The following TRMT6 variants were observed in gnomAD, a reference collection of about 807,000 sequenced individuals.
The protein encoded by TRMT6 is tRNA methyltransferase 6 non-catalytic subunit.
Under a neutral mutation model 59.0 loss-of-function variants are expected in TRMT6, and 34 were observed. The ratio of observed to expected loss-of-function variants is 0.58; its 90% CI spans 0.44 to 0.77. The LOEUF (loss-of-function observed/expected upper bound fraction) is 0.77. TRMT6 is among the 30% of genes least tolerant of loss of function. The probability of loss-of-function intolerance (pLI) is 0.00; values close to 1 mark genes in which losing one functional copy is unlikely to be tolerated. For synonymous variants in TRMT6, 217 were observed against 210.5 expected, an observed-to-expected ratio of 1.03 and a Z score of -0.27; for missense variants, 575 against 604.5, an observed-to-expected ratio of 0.95 and a Z score of 0.51.
rs138599064 is a variant in TRMT6 at position 5,942,697 on chromosome 20, C to G, written c.757G>C (p.Gly253Arg). 1 of 1,613,938 alleles carries G rather than the reference C, an allele frequency of 6.2e-7. No homozygotes were observed. Among genetic ancestry groups the G allele is most frequent in the South Asian group, 1.1e-5 (1 of 91,072 alleles). Residue 253 changes from glycine (G) to arginine (R), a missense_variant, in exon 7 of 11, where the codon GGT becomes CGT. Gly to Arg is a moderately radical substitution (Grantham distance 125). Transcript: ENST00000203001. ...CFGFPKSFLS[G>R]LYEFPLNKVD... ...TTGTTGAGAGGGAATTCATAAAGAC[C>G]ACTGAGAAAAGATTTGGGAAATCCA...
intron 6 of TRMT6, among the ~76,000 whole-genome samples, 158 bp downstream of exon 6, chr20:5,943,401 G>A (rs939078241): frequency 6.6e-6 from 1 of 152,224 alleles, no homozygotes; most frequent in Non-Finnish European, 1.5e-5. Context: ...TGGAGACTGT[G>A]TAAGAAGGTC....
At chr20:5,941,560 C>A in intron 8 of TRMT6, 1 of 569,602 alleles carries the variant, frequency 1.8e-6, no homozygotes, top group Non-Finnish European at 3.1e-6. Context: ...TGGTACTTGG[C>A]AACTCTAAGT....
intron 9 of TRMT6, 47 bp from the exon 10 acceptor site, chr20:5,941,186 A>G: frequency 1.2e-6 from 2 of 1,607,400 alleles, no homozygotes; most frequent in East Asian, 2.2e-5. Context: ...CCTGGGATGC[A>G]GTTTAAGAAT....
intron 10 of TRMT6, among the ~76,000 whole-genome samples, chr20:5,940,480 T>C (rs1288047775): frequency 6.6e-6 from 1 of 152,190 alleles, no homozygotes; most frequent in Non-Finnish European, 1.5e-5. Flanking sequence ...TTTAAATGCC[T>C]TTAGGGCAGA....
At chr20:5,942,865 A>G (rs2088670947) in intron 6 of TRMT6, 79 bp from the exon 7 acceptor site, 15 of 1,054,046 alleles carry the variant, frequency 1.4e-5, no homozygotes, top group Non-Finnish European at 2.1e-5. Flanking sequence ...CCTCCACAGT[A>G]ATGAGACTGA....
chr20:5,944,818 C>T lies in TRMT6; in HGVS notation c.353G>A (p.Gly118Asp), dbSNP rs1208740906. The part of the protein sequence containing the change: ...QDDIKALKDK[G>D]IKGEEIVQQL... Reference sequence around the variant, plus strand: ...TTTGAATATTACCTCTCCTTTAATGCCCTTGTCCTTCAAAGCTTTTATGTC... The same window carrying T: ...TTTGAATATTACCTCTCCTTTAATGTCCTTGTCCTTCAAAGCTTTTATGTC... Residue 118 changes from glycine to aspartate, a missense_variant, in exon 3 of 11, where the codon GGC becomes GAC. By Grantham distance (94) the Gly-to-Asp change is moderately conservative. Coordinates refer to ENST00000203001, the MANE Select transcript of TRMT6 (RefSeq NM_015939.5). The T allele has an allele frequency of 1.9e-6, 3 of 1,612,226 alleles. No individual in the cohort carries two copies. The highest frequency in any genetic ancestry group is 4.5e-5 in the East Asian group (2 of 44,866).
chr20:5,941,306 C>T lies in TRMT6; in HGVS notation c.1152G>A (p.Leu384=), dbSNP rs200451695. Residue 384 remains leucine, a synonymous_variant, in exon 9 of 11, where the codon CTG becomes CTA. Coordinates refer to ENST00000203001, the MANE Select transcript of TRMT6 (RefSeq NM_015939.5). ...GGGCCACAAAGTCCAGCAAAGACAG[C>T]AGCAGGGGAGTGGGGTGGAAACGAC... ...VASRFHPTPL[L]LSLLDFVAPS... is the part of the protein sequence containing the mutation. 21 of 1,614,050 alleles carry T rather than the reference C, an allele frequency of 1.3e-5. No homozygotes were observed. The highest frequency in any genetic ancestry group is 1.8e-5 in the Non-Finnish European group (21 of 1,180,038).
At chr20:5,941,187 G>A (rs1367937810) in intron 9 of TRMT6, 48 bp from the exon 10 acceptor site, 1 of 1,607,092 alleles carries the variant, frequency 6.2e-7, no homozygotes, top group African/African-American at 1.3e-5. Flanking sequence ...CTGGGATGCA[G>A]TTTAAGAATC....
At position 5,938,586 on chromosome 20, in the gene TRMT6, C is replaced by T. The variant is rs754805405; in HGVS notation, c.1443G>A (p.Glu481=). The change falls in exon 11 of 11, where the codon GAG becomes GAA. Residue 481 remains glutamate (E), a synonymous_variant. Coordinates refer to ENST00000203001, the MANE Select transcript of TRMT6 (RefSeq NM_015939.5). The part of the protein sequence containing the change: ...KSNASTLESH[E]TEEPAAKKRK... ...GTTTTTTAGCTGCAGGCTCCTCAGT[C>T]TCGTGTGATTCTAAAGTGCTTGCAT... 1.2e-6 allele frequency: 2 copies of T among 1,614,214 alleles called. No homozygotes were observed. Among genetic ancestry groups the T allele is most frequent in the Non-Finnish European group, 1.7e-6 (2 of 1,180,020 alleles).
In TRMT6 at chr20:5,939,536, A is replaced by G. The variant is rs147084095; in HGVS notation, c.1303-810T>C. Among the ~76,000 whole-genome samples the G allele has an allele frequency of 4.2e-3, 630 of 151,796 alleles. 3 individuals carry two copies. Among genetic ancestry groups the G allele is most frequent in the African/African-American group, 0.014 (596 of 41,408 alleles). On this transcript the variant is annotated intron_variant, in intron 10 of 10. Transcript: ENST00000203001. ...AAAGAACTGAAGCAGTTTTCAGTTC[A>G]GCCCAGGTTTATCTAGAAACTGAAG... is the stretch of plus-strand genomic sequence containing the variant.
intron 2 of TRMT6, among the ~76,000 whole-genome samples, chr20:5,945,448 T>G (rs1662498307): frequency 6.6e-6 from 1 of 152,246 alleles, no homozygotes; most frequent in African/African-American, 2.4e-5. Flanking sequence ...GAGCTCATTC[T>G]CTTGCTTTAC....
At chr20:5,943,769 T>C in intron 5 of TRMT6, 86 bp from the exon 6 acceptor site, 3 of 1,555,644 alleles carry the variant, frequency 1.9e-6, no homozygotes, top group East Asian at 2.2e-5. Flanking sequence ...GTTTGCTTTA[T>C]TAAAATTGTG....
chr20:5,944,991 C>A, intron 2 of TRMT6, 77 bp from the exon 3 acceptor site: 2 of 1,137,720 alleles, frequency 1.8e-6, no homozygotes, highest in Non-Finnish European at 1.3e-6. Flanking sequence ...TTCATATCCA[C>A]ATCCAGTCCA....
intron 10 of TRMT6, among the ~76,000 whole-genome samples, chr20:5,940,432 T>C (rs1050003899): frequency 3.3e-5 from 5 of 152,188 alleles, no homozygotes; most frequent in Non-Finnish European, 5.9e-5. Flanking sequence ...ACAGTGATAC[T>C]GAGGCCTTGG....
intron 1 of TRMT6, 121 bp from the exon 2 acceptor site, chr20:5,946,654 G>T: frequency 1.1e-6 from 1 of 888,634 alleles, no homozygotes. Context: ...CATTATCTCT[G>T]AACATAAAGC....
chr20:5,938,487 TA>T lies in TRMT6; in HGVS notation c.*47del, dbSNP rs2088626556. On this transcript the variant is annotated 3_prime_UTR_variant, in exon 11 of 11. Coordinates refer to ENST00000203001, the MANE Select transcript of TRMT6 (RefSeq NM_015939.5). ...GTAATGGCATTTAAAGTTTAATTACTAACTGTATAATGCCTGAGAACAAAAT... is the reference window on the plus strand; with the variant it reads ...GTAATGGCATTTAAAGTTTAATTACTACTGTATAATGCCTGAGAACAAAAT... 1 of 1,548,468 alleles carries T rather than the reference TA, an allele frequency of 6.5e-7. No individual in the cohort carries two copies. The highest frequency in any genetic ancestry group is 1.4e-5 in the African/African-American group (1 of 72,518).
At chr20:5,946,652 C>A (rs2088709762) in intron 1 of TRMT6, 119 bp from the exon 2 acceptor site, 2 of 910,238 alleles carry the variant, frequency 2.2e-6, no homozygotes, top group Non-Finnish European at 3.3e-6. Flanking sequence ...AGCATTATCT[C>A]TGAACATAAA....
In TRMT6 at chr20:5,938,177, C is replaced by T. The variant is rs1215435678; in HGVS notation, c.*358G>A. The T allele has an allele frequency of 5.9e-6, 1 of 170,124 alleles. No individual in the cohort carries two copies. Among genetic ancestry groups the T allele is most frequent in the Non-Finnish European group, 1.3e-5 (1 of 79,902 alleles). 10.5% of individuals were successfully genotyped at this position (170,124 alleles called of 1,614,324 possible). A position where few individuals can be genotyped will look rare whatever the true frequency, so the allele number is the denominator to read the frequency against. On this transcript the variant is annotated 3_prime_UTR_variant, in exon 11 of 11. Transcript: ENST00000203001. ...CCATGAATTGCCCTCCTTTCGGTAC[C>T]CGCCATGTTTTAGTTACGTTGTATT...
intron 1 of TRMT6, among the ~76,000 whole-genome samples, chr20:5,947,989 C>CA (rs1177433564): frequency 1.3e-5 from 2 of 152,118 alleles, no homozygotes; most frequent in Non-Finnish European, 1.5e-5. Context: ...AGTTTCTCTA[C>CA]AAAAAGTACA....
Sources: gnomAD v4.1 joint callset for allele counts (sites outside exome capture counted in the v4.1 genomes callset) on GRCh38, gnomAD v4.1.1 for gene constraint, MANE v1.5 for transcripts, NCBI Gene and HGNC (gene_info 2026-07-23, HGNC 2026-07-21) for gene names.